COG2: variants seen among roughly 807,000 people sequenced by gnomAD.
COG2 encodes the protein conserved oligomeric Golgi complex subunit 2.
COG2 carries 52 observed loss-of-function variants against 90.6 expected under a neutral mutation model. That is an observed-to-expected ratio of 0.57 (90% CI 0.46 to 0.72). The LOEUF (loss-of-function observed/expected upper bound fraction) is 0.72, where lower values mean the gene tolerates loss of function less well. Among genes scored for constraint, COG2 ranks in the 30% least tolerant of loss-of-function variants. COG2 has a pLI of 0.00. For missense variants in COG2, 829 were observed against 891.2 expected, an observed-to-expected ratio of 0.93 and a Z score of 0.89; for synonymous variants, 337 against 320.4, an observed-to-expected ratio of 1.05 and a Z score of -0.55.
At chr1:230,660,227 G>A (rs112783588) in intron 2 of COG2, among the ~76,000 whole-genome samples, 3,299 of 152,202 alleles carry the variant, frequency 0.022, 114 homozygotes, top group African/African-American at 0.075. Flanking sequence ...CATCTCCATG[G>A]AAATTTTAAG....
rs199661448 is a variant in COG2 at position 230,691,582 on chromosome 1, G to A, written c.2115+18G>A. 163 of 1,597,198 alleles carry A rather than the reference G, an allele frequency of 1.0e-4. No homozygotes were observed. Among genetic ancestry groups the A allele is most frequent in the Middle Eastern group, 1.0e-3 (5 of 5,012 alleles). ...GAGAGCAGGTAACCCATCAGCCGCC[G>A]GCAGCTCCAGCGAGCCTGAAACCAA... On this transcript the variant is annotated intron_variant, in intron 17 of 17. Transcript: ENST00000366669.
At chr1:230,654,412 G>A (rs1412864289) in intron 1 of COG2, among the ~76,000 whole-genome samples, 3 of 152,178 alleles carry the variant, frequency 2.0e-5, no homozygotes, top group Admixed American at 6.5e-5. Flanking sequence ...TCAAAGATCA[G>A]ATGGTTGTAG....
At position 230,663,156 on chromosome 1, in the gene COG2, G is replaced by C. The variant is rs1342749833; in HGVS notation, c.316G>C (p.Val106Leu). 2 of 1,608,168 alleles carry C rather than the reference G, an allele frequency of 1.2e-6. No individual in the cohort carries two copies. Among genetic ancestry groups the C allele is most frequent in the South Asian group, 2.2e-5 (2 of 90,186 alleles). ...TCTTTTAAAGAGCCTTAGATCGTCTGTCAGTGAAGGAATTCGGGCAGTTGA... is the reference window on the plus strand; with the variant it reads ...TCTTTTAAAGAGCCTTAGATCGTCTCTCAGTGAAGGAATTCGGGCAGTTGA... ...REEVLSLRSS[V>L]SEGIRAVDER... The change falls in exon 4 of 18, where the codon GTC (valine) becomes CTC (leucine). Residue 106 changes from valine to leucine, a missense_variant. Transcript: ENST00000366669.
intron 1 of COG2, among the ~76,000 whole-genome samples, chr1:230,644,669 G>T (rs557436449): frequency 6.6e-6 from 1 of 152,338 alleles, no homozygotes; most frequent in African/African-American, 2.4e-5. Context: ...GCATGCTAGT[G>T]CAGTGGTAGC....
chr1:230,689,979 C>A, intron 15 of COG2, 35 bp from the exon 16 acceptor site: 1 of 1,530,078 alleles, frequency 6.5e-7, no homozygotes, highest in Non-Finnish European at 8.8e-7. Flanking sequence ...TGTTTTTTTC[C>A]TGTGCATCTT....
intron 3 of COG2, 26 bp downstream of exon 3, chr1:230,660,849 A>G (rs776817173): frequency 6.7e-7 from 1 of 1,491,004 alleles, no homozygotes; most frequent in African/African-American, 1.4e-5. Flanking sequence ...AACATCAAAC[A>G]GTTTACCCTA....
intron 1 of COG2, among the ~76,000 whole-genome samples, chr1:230,656,689 C>T (rs1277959632): frequency 1.3e-5 from 2 of 152,046 alleles, no homozygotes; most frequent in African/African-American, 4.8e-5. Context: ...TTCAAATCTC[C>T]CACTATTATT....
chr1:230,669,694 A>G, intron 7 of COG2, 159 bp downstream of exon 7: 1 of 591,056 alleles, frequency 1.7e-6, no homozygotes, highest in Non-Finnish European at 2.7e-6. Flanking sequence ...TCCATGGGTT[A>G]TAGTTGGGAA....
intron 3 of COG2, among the ~76,000 whole-genome samples, chr1:230,662,916 T>C (rs1344174434): frequency 6.6e-6 from 1 of 152,216 alleles, no homozygotes; most frequent in Non-Finnish European, 1.5e-5. Flanking sequence ...TGTATATATA[T>C]TAATTTTCTT....
In COG2 at chr1:230,669,359, A is replaced by C; in HGVS notation, c.598A>C (p.Ile200Leu). Residue 200 changes from isoleucine (I) to leucine (L), a missense_variant, in exon 7 of 18, where the codon ATA becomes CTA. Coordinates refer to ENST00000366669, the MANE Select transcript of COG2 (RefSeq NM_007357.3). ...MPLLDKVRPR[I>L]AGITAMLQQS... ...ATTTACCCACCTTTTCTTGCAGCGTATAGCTGGCATTACAGCCATGTTACA... is the reference window on the plus strand; with the variant it reads ...ATTTACCCACCTTTTCTTGCAGCGTCTAGCTGGCATTACAGCCATGTTACA... The C allele has an allele frequency of 6.2e-7, 1 of 1,611,912 alleles. No individual in the cohort carries two copies. Among genetic ancestry groups the C allele is most frequent in the Non-Finnish European group, 8.5e-7 (1 of 1,178,502 alleles).
Position 230,674,986 on chromosome 1 carries a change from C to G in COG2, c.900-12C>G, listed in dbSNP as rs1662548752. On this transcript the variant is annotated splice_polypyrimidine_tract_variant and intron_variant, in intron 8 of 17. Transcript: ENST00000366669. ...ATGGTATATTTTACTGATATGTGCCCTTATTTTACAGTGAAAAAGGCAATA... is the reference window on the plus strand; with the variant it reads ...ATGGTATATTTTACTGATATGTGCCGTTATTTTACAGTGAAAAAGGCAATA... 6.3e-7 allele frequency: 1 copy of G among 1,596,592 alleles called. No individual in the cohort carries two copies. The highest frequency in any genetic ancestry group is 1.3e-5 in the African/African-American group (1 of 74,256).
chr1:230,645,244 A>T (rs1490571968), intron 1 of COG2, among the ~76,000 whole-genome samples: 3 of 151,888 alleles, frequency 2.0e-5, no homozygotes, highest in African/African-American at 7.2e-5. Flanking sequence ...AAAAAAAAAA[A>T]AAAAAAAAAA....
chr1:230,662,189 A>G (rs1480698565), intron 3 of COG2, among the ~76,000 whole-genome samples: 1 of 151,924 alleles, frequency 6.6e-6, no homozygotes, highest in Non-Finnish European at 1.5e-5. Flanking sequence ...CCCTCCTTCC[A>G]CAGCTGTCTC....
intron 11 of COG2, 115 bp downstream of exon 11, chr1:230,683,750 A>G: frequency 2.9e-6 from 2 of 698,046 alleles, no homozygotes; most frequent in Non-Finnish European, 4.9e-6. Flanking sequence ...TTTTTTAATC[A>G]TACAGTAAGT....
chr1:230,669,968 G>C (rs547694766), intron 7 of COG2: 3 of 154,578 alleles, frequency 1.9e-5, no homozygotes, highest in African/African-American at 4.8e-5. Flanking sequence ...GTGTGAGTGG[G>C]GTAGACAGTG....
At chr1:230,685,656 G>A (rs1556020) in intron 12 of COG2, among the ~76,000 whole-genome samples, 38,967 of 152,030 alleles carry the variant, frequency 0.26, 5,617 homozygotes, top group East Asian at 0.58. Flanking sequence ...ACATAAAAAG[G>A]TATTAAAATT....
At chr1:230,669,798 C>G in intron 7 of COG2, 1 of 340,774 alleles carries the variant, frequency 2.9e-6, no homozygotes, top group Non-Finnish European at 5.4e-6. Flanking sequence ...AGGGCATCCA[C>G]GTGCTTTTAG....
chr1:230,691,637 C>T (rs1663032975), intron 17 of COG2, 73 bp downstream of exon 17: 1 of 1,376,736 alleles, frequency 7.3e-7, no homozygotes, highest in South Asian at 1.3e-5. Context: ...TACTTGGTGG[C>T]TCGCGTGATC....
intron 5 of COG2, among the ~76,000 whole-genome samples, chr1:230,666,407 C>G (rs887299493): frequency 6.6e-6 from 1 of 152,140 alleles, no homozygotes; most frequent in Non-Finnish European, 1.5e-5. Flanking sequence ...CCTCTCAGTT[C>G]TCCCATTGCC....
Sources: gnomAD v4.1 joint callset for allele counts (sites outside exome capture counted in the v4.1 genomes callset) on GRCh38, gnomAD v4.1.1 for gene constraint, MANE v1.5 for transcripts, NCBI Gene and HGNC (gene_info 2026-07-23, HGNC 2026-07-21) for gene names.